TPD52: variants seen among roughly 807,000 people sequenced by gnomAD.
TPD52 encodes the protein prostate and colon associated protein.
TPD52 carries 17 observed loss-of-function variants against 31.3 expected under a neutral mutation model. That is an observed-to-expected ratio of 0.54 (90% CI 0.37 to 0.82). The LOEUF is 0.82. Among genes scored for constraint, TPD52 ranks in the 40% least tolerant of loss-of-function variants. The pLI is 0.00. For synonymous variants in TPD52, 83 were observed against 89.6 expected (o/e 0.93, Z 0.42); for missense variants, 212 against 240.1 (o/e 0.88, Z 0.77).
chr8:80,119,829 G>T, intron 1 of TPD52: 1 of 413,228 alleles, frequency 2.4e-6, no homozygotes, highest in South Asian at 1.8e-5. Flanking sequence ...TATATGAGTG[G>T]AGAAAAGATA....
intron 1 of TPD52, chr8:80,127,783 AATAAAC>A (rs1216544507): frequency 2.2e-5 from 3 of 134,686 alleles, no homozygotes; most frequent in Non-Finnish European, 4.7e-5. Flanking sequence ...GTGATTTCTA[AATAAAC>A]ACACACACAC....
intron 1 of TPD52, among the ~76,000 whole-genome samples, chr8:80,111,416 G>A (rs780991076): frequency 8.5e-5 from 13 of 152,124 alleles, no homozygotes; most frequent in Admixed American, 3.9e-4. Flanking sequence ...TGAATTAGAG[G>A]AGACACCAGA....
At chr8:80,092,555 G>C (rs1324514312) in intron 1 of TPD52, among the ~76,000 whole-genome samples, 1 of 152,086 alleles carries the variant, frequency 6.6e-6, no homozygotes, top group Non-Finnish European at 1.5e-5. Flanking sequence ...AAAGAAAATT[G>C]TGGTATATAT....
chr8:80,033,576 G>A (rs192592334), downstream of TPD52, among the ~76,000 whole-genome samples: 53 of 152,282 alleles, frequency 3.5e-4, no homozygotes, highest in Middle Eastern at 3.4e-3. Flanking sequence ...GCGTGTCACC[G>A]CCCCAGCTTG....
intron 1 of TPD52, among the ~76,000 whole-genome samples, chr8:80,071,163 T>C (rs1338462398): frequency 6.6e-6 from 1 of 152,140 alleles, no homozygotes; most frequent in Admixed American, 6.5e-5. Context: ...AACGCCTTCA[T>C]TTCAGATTTC....
At chr8:80,138,450 A>G (rs961144416) in intron 1 of TPD52, among the ~76,000 whole-genome samples, 1 of 152,214 alleles carries the variant, frequency 6.6e-6, no homozygotes, top group African/African-American at 2.4e-5. Context: ...AACACAACTC[A>G]AAGTGGCTTA....
intron 5 of TPD52, among the ~76,000 whole-genome samples, chr8:80,044,915 G>A (rs1336204437): frequency 1.3e-5 from 2 of 152,100 alleles, no homozygotes; most frequent in Non-Finnish European, 2.9e-5. Context: ...TATTTTGTGC[G>A]CTTATGATTT....
At chr8:80,054,715 G>A (rs951203644) in intron 2 of TPD52, among the ~76,000 whole-genome samples, 1 of 148,216 alleles carries the variant, frequency 6.7e-6, no homozygotes, top group Admixed American at 6.8e-5. Flanking sequence ...ACGGAGAAAA[G>A]GATAAATCAA....
intron 1 of TPD52, among the ~76,000 whole-genome samples, chr8:80,163,072 C>T (rs1183456562): frequency 2.0e-5 from 3 of 152,110 alleles, no homozygotes; most frequent in Non-Finnish European, 4.4e-5. Flanking sequence ...TATGAAGGTT[C>T]TGAAAAAATT....
At chr8:80,077,314 C>T (rs1814692188) in intron 1 of TPD52, among the ~76,000 whole-genome samples, 3 of 151,582 alleles carry the variant, frequency 2.0e-5, no homozygotes. Context: ...AAGATAGGTG[C>T]TATGTAAATA....
chr8:80,122,646 T>G (rs1586342601), intron 1 of TPD52, among the ~76,000 whole-genome samples: 1 of 152,174 alleles, frequency 6.6e-6, no homozygotes, highest in Admixed American at 6.5e-5. Context: ...ATCAAACTGA[T>G]GCTGATCTCA....
intron 1 of TPD52, among the ~76,000 whole-genome samples, chr8:80,156,883 T>G (rs966013084): frequency 6.6e-6 from 1 of 151,412 alleles, no homozygotes; most frequent in Non-Finnish European, 1.5e-5. Context: ...TGGGGTCGGG[T>G]TGAAGAGGAG....
intron 1 of TPD52, among the ~76,000 whole-genome samples, chr8:80,125,725 C>A (rs1808555661): frequency 6.6e-6 from 1 of 152,144 alleles, no homozygotes; most frequent in African/African-American, 2.4e-5. Context: ...TTTTAAGGTC[C>A]TAAAGACTCC....
At chr8:80,149,491 T>C (rs1355880222) in intron 1 of TPD52, among the ~76,000 whole-genome samples, 2 of 152,196 alleles carry the variant, frequency 1.3e-5, no homozygotes, top group Admixed American at 6.5e-5. Flanking sequence ...GGCACTGGTA[T>C]AGTGAGGTGC....
intron 1 of TPD52, among the ~76,000 whole-genome samples, chr8:80,106,968 C>T (rs1212853698): frequency 6.6e-6 from 1 of 151,756 alleles, no homozygotes; most frequent in East Asian, 1.9e-4. Flanking sequence ...TCTCCTGCCT[C>T]AGCCTCCCGA....
chr8:80,138,614 G>A (rs1292582616), intron 1 of TPD52, among the ~76,000 whole-genome samples: 1 of 152,144 alleles, frequency 6.6e-6, no homozygotes, highest in East Asian at 1.9e-4. Context: ...ATCCAAAAAG[G>A]TAGCTGAACA....
At chr8:80,031,647 G>A (rs10957953), downstream of TPD52, among the ~76,000 whole-genome samples, 1 of 151,816 alleles carries the variant, frequency 6.6e-6, no homozygotes, top group South Asian at 2.1e-4. Context: ...TGCTTGAGAT[G>A]AGGAGTCCGA....
intron 1 of TPD52, among the ~76,000 whole-genome samples, chr8:80,151,416 T>C (rs965063013): frequency 2.6e-5 from 4 of 152,248 alleles, no homozygotes; most frequent in African/African-American, 7.2e-5. Flanking sequence ...GCCGAAGTGA[T>C]TGTTAAAGTA....
intron 1 of TPD52, among the ~76,000 whole-genome samples, chr8:80,113,877 A>G (rs1347088264): frequency 6.6e-6 from 1 of 152,224 alleles, no homozygotes; most frequent in Non-Finnish European, 1.5e-5. Flanking sequence ...TACACATTGT[A>G]TCCCGATATC....
Sources: allele counts gnomAD v4.1 joint callset (sites outside exome capture counted in the v4.1 genomes callset), GRCh38; gene constraint gnomAD v4.1.1; transcripts MANE v1.5; gene names NCBI Gene and HGNC (gene_info 2026-07-23, HGNC 2026-07-21).